The following ME3 variants were observed in gnomAD, a reference collection of about 807,000 sequenced individuals.
The protein encoded by ME3 is malic enzyme 3.
Under a neutral mutation model 68.9 loss-of-function variants are expected in ME3, and 48 were observed. That is an observed-to-expected ratio of 0.70 (90% confidence interval 0.55 to 0.89). The LOEUF (loss-of-function observed/expected upper bound fraction) is 0.89. Ranked by LOEUF, ME3 falls within the 40% of genes least tolerant of loss-of-function variation. The probability of loss-of-function intolerance (pLI) is 0.00; values close to 1 mark genes in which losing one functional copy is unlikely to be tolerated. For missense variants in ME3, 675 were observed against 797.4 expected (o/e 0.85, Z 1.85); for synonymous variants, 320 against 318.8 (o/e 1.00, Z -0.04).
At chr11:86,649,679 C>T (rs1035375787) in intron 2 of ME3, among the ~76,000 whole-genome samples, 7 of 151,756 alleles carry the variant, frequency 4.6e-5, no homozygotes, top group African/African-American at 1.5e-4. Context: ...AATAGACAAA[C>T]AGCCAAATAA....
chr11:86,562,204 A>G (rs1489784758), intron 2 of ME3, among the ~76,000 whole-genome samples: 1 of 152,206 alleles, frequency 6.6e-6, no homozygotes, highest in East Asian at 1.9e-4. Context: ...TCTTTTACTT[A>G]GAAATACGCA....
At chr11:86,452,444 A>G (rs1436621289) in intron 8 of ME3, among the ~76,000 whole-genome samples, 1 of 152,222 alleles carries the variant, frequency 6.6e-6, no homozygotes, top group Non-Finnish European at 1.5e-5. Context: ...TCAATAGTAA[A>G]TATTAATAAA....
intron 4 of ME3, among the ~76,000 whole-genome samples, chr11:86,531,358 G>A (rs1415372321): frequency 6.6e-6 from 1 of 152,048 alleles, no homozygotes; most frequent in Non-Finnish European, 1.5e-5. Context: ...AACAGGTGCT[G>A]GAGAGGATGT....
rs577207786 is a variant in ME3, at chr11:86,531,661, A to G, written c.468-22794T>C. On this transcript the variant is annotated intron_variant, in intron 4 of 14. Transcript: ENST00000543262. Reference sequence around the variant, plus strand: ...TGGCACATATACACCATGGAATACTATGCAGCCATAAAAAATGATGAGTTC... The same window carrying G: ...TGGCACATATACACCATGGAATACTGTGCAGCCATAAAAAATGATGAGTTC... Among the ~76,000 whole-genome samples, 33 of 152,322 alleles carry G rather than the reference A, an allele frequency of 2.2e-4. 1 individual carries two copies. In the South Asian group the frequency reaches 6.8e-3, roughly 32 times the overall value.
At chr11:86,479,194 G>A (rs1339663202) in intron 7 of ME3, among the ~76,000 whole-genome samples, 3 of 152,104 alleles carry the variant, frequency 2.0e-5, no homozygotes, top group Non-Finnish European at 2.9e-5. Flanking sequence ...CATCTTCTCC[G>A]GCCCTTGAGC....
chr11:86,595,877 C>A (rs560864975), intron 2 of ME3, among the ~76,000 whole-genome samples: 1 of 152,342 alleles, frequency 6.6e-6, no homozygotes, highest in Non-Finnish European at 1.5e-5. Flanking sequence ...GAGGGCACCT[C>A]TGGGTGGGCC....
At chr11:86,466,926 G>C (rs985546574) in intron 7 of ME3, among the ~76,000 whole-genome samples, 14 of 152,328 alleles carry the variant, frequency 9.2e-5, no homozygotes, top group Admixed American at 4.6e-4. Flanking sequence ...TTCTACCTCA[G>C]TTTCCCATCC....
intron 7 of ME3, among the ~76,000 whole-genome samples, chr11:86,475,874 T>TATATATATAGAGAGAGAG: frequency 1.1e-3 from 97 of 91,448 alleles, no homozygotes; most frequent in Admixed American, 2.0e-3. Flanking sequence ...TATATATATA[T>TATATATATAGAGAGAGAG]AGAGAGAGAG....
chr11:86,484,540 C>G (rs1203120883), intron 7 of ME3, among the ~76,000 whole-genome samples: 1 of 152,058 alleles, frequency 6.6e-6, no homozygotes, highest in Non-Finnish European at 1.5e-5. Flanking sequence ...CCCGGACTGC[C>G]TGTGTGTGTG....
chr11:86,625,957 T>C (rs939598724), intron 2 of ME3, among the ~76,000 whole-genome samples: 1 of 152,212 alleles, frequency 6.6e-6, no homozygotes, highest in African/African-American at 2.4e-5. Context: ...TCTTGAAAAC[T>C]GCTTAGAATT....
At chr11:86,553,180 C>A (rs1221022545) in intron 4 of ME3, among the ~76,000 whole-genome samples, 2 of 152,222 alleles carry the variant, frequency 1.3e-5, no homozygotes, top group African/African-American at 4.8e-5. Flanking sequence ...TCTGTGGTGC[C>A]TATCTGCCCA....
chr11:86,442,742 C>A, intron 14 of ME3, 79 bp downstream of exon 14: 1 of 1,238,684 alleles, frequency 8.1e-7, no homozygotes, highest in African/African-American at 1.5e-5. Context: ...GTTTCCATCC[C>A]CTTAACCCTC....
chr11:86,594,064 A>G (rs1002806954), intron 2 of ME3, among the ~76,000 whole-genome samples: 1 of 146,672 alleles, frequency 6.8e-6, no homozygotes, highest in African/African-American at 2.5e-5. Flanking sequence ...CTGACGATAC[A>G]GTAATAAGGA....
chr11:86,620,086 C>T (rs1943247600), intron 2 of ME3, among the ~76,000 whole-genome samples: 1 of 152,180 alleles, frequency 6.6e-6, no homozygotes, highest in East Asian at 1.9e-4. Context: ...ATATTCTAGA[C>T]TACAAACACA....
chr11:86,600,262 A>G (rs1441778057), intron 2 of ME3, among the ~76,000 whole-genome samples: 8 of 152,236 alleles, frequency 5.3e-5, no homozygotes, highest in Middle Eastern at 3.2e-3. Flanking sequence ...AGGAAGATCT[A>G]TCAAGCAAAT....
chr11:86,562,121 AC>A (rs1957266857), intron 2 of ME3, among the ~76,000 whole-genome samples: 1 of 151,892 alleles, frequency 6.6e-6, no homozygotes, highest in South Asian at 2.1e-4. Flanking sequence ...TTCTTTACTG[AC>A]TCTACATTTT....
intron 4 of ME3, among the ~76,000 whole-genome samples, chr11:86,523,369 G>A (rs1036654199): frequency 1.3e-5 from 2 of 152,194 alleles, no homozygotes; most frequent in Admixed American, 6.5e-5. Context: ...AGTAGTAAGG[G>A]AAAGCAGGTA....
At chr11:86,621,971 A>G (rs1450251904) in intron 2 of ME3, among the ~76,000 whole-genome samples, 1 of 152,014 alleles carries the variant, frequency 6.6e-6, no homozygotes, top group Non-Finnish European at 1.5e-5. Context: ...ATAACAGGAA[A>G]GTTTCAACTT....
intron 2 of ME3, among the ~76,000 whole-genome samples, chr11:86,647,912 T>C (rs893504175): frequency 2.0e-5 from 3 of 152,328 alleles, no homozygotes; most frequent in East Asian, 1.9e-4. Context: ...GTGGAGCTAA[T>C]AGACATCTAC....
Sources: gnomAD v4.1 joint callset for allele counts (sites outside exome capture counted in the v4.1 genomes callset) on GRCh38, gnomAD v4.1.1 for gene constraint, MANE v1.5 for transcripts, NCBI Gene and HGNC (gene_info 2026-07-23, HGNC 2026-07-21) for gene names.